Variants in CPT1B observed in about 807,000 individuals in gnomAD.
CPT1B encodes the protein carnitine palmitoyltransferase 1B, also known as carnitine O-palmitoyltransferase 1, muscle isoform.
Under a neutral mutation model 92.7 loss-of-function variants are expected in CPT1B, and 57 were observed. The observed-to-expected ratio is 0.62, with a 90% CI of 0.50 to 0.77. The LOEUF is 0.77. CPT1B is among the 30% of genes least tolerant of loss of function. The pLI, the probability that CPT1B is intolerant of heterozygous loss-of-function variation, is 0.00. For synonymous variants in CPT1B, 398 were observed against 383.5 expected, an observed-to-expected ratio of 1.04 and a Z score of -0.44; for missense variants, 983 against 1,017.4, an observed-to-expected ratio of 0.97 and a Z score of 0.46.
chr22:50,577,785 A>G lies in CPT1B; in HGVS notation c.131T>C (p.Ile44Thr). 6.2e-7 allele frequency: 1 copy of G among 1,613,840 alleles called. No homozygotes were observed. The highest frequency in any genetic ancestry group is 8.5e-7 in the Non-Finnish European group (1 of 1,179,838). The change falls in exon 2 of 20, where the codon ATC becomes ACC. Residue 44 changes from isoleucine to threonine, a missense_variant. Physicochemically the swap from Ile to Thr is moderately conservative, Grantham distance 89. Coordinates refer to ENST00000312108, the MANE Select transcript of CPT1B (RefSeq NM_152246.3). ...SGINSWKKRL[I>T]RIKNGILRGV... ...AGCACCTGTGCGCACCTTGATGCGGATCAGGCGTTTCTTCCAGGAGTTGAT... is the reference window on the plus strand; with the variant it reads ...AGCACCTGTGCGCACCTTGATGCGGGTCAGGCGTTTCTTCCAGGAGTTGAT...
intron 16 of CPT1B, 101 bp downstream of exon 16, chr22:50,570,790 G>C: frequency 6.7e-7 from 1 of 1,496,530 alleles, no homozygotes. Flanking sequence ...AGCTTCAGGG[G>C]AGCAAGCCAG....
chr22:50,576,851 G>A lies in CPT1B; in HGVS notation c.459+6C>T, dbSNP rs1183976853. 1.9e-6 allele frequency: 3 copies of A among 1,613,666 alleles called. No homozygotes were observed. The highest frequency in any genetic ancestry group is 2.5e-6 in the Non-Finnish European group (3 of 1,179,960). ...TGCCTGAACCCCTCCACTGGCTGCT[G>A]CTCACAGCCCAGATCCTGGTCAAGT... is the stretch of plus-strand genomic sequence containing the variant. On this transcript the variant is annotated splice_donor_region_variant and intron_variant, in intron 4 of 19. Coordinates refer to ENST00000312108, the MANE Select transcript of CPT1B (RefSeq NM_152246.3).
rs777493327 is a variant in CPT1B, at chr22:50,577,054, G to A, written c.282-20C>T. The A allele has an allele frequency of 3.9e-5, 63 of 1,611,470 alleles. No homozygotes were observed. The highest frequency in any genetic ancestry group is 4.5e-5 in the Non-Finnish European group (53 of 1,178,420). On this transcript the variant is annotated intron_variant, in intron 3 of 19. Transcript: ENST00000312108. Reference sequence around the variant, plus strand: ...CCACACCTATTGGAGAGGGGCAAGGGCTGCAGGGGGTCCTCTTGAGGCCAG... The same window carrying A: ...CCACACCTATTGGAGAGGGGCAAGGACTGCAGGGGGTCCTCTTGAGGCCAG...
Position 50,569,711 on chromosome 22 carries a change from T to C in CPT1B, c.2143-43A>G, listed in dbSNP as rs1341113112. ...GGTGAAGAAGGCATAAATCAAACCT[T>C]GAAGATCTGAAAGCCAAGCTGATAT... On this transcript the variant is annotated intron_variant, in intron 17 of 19. Coordinates refer to ENST00000312108, the MANE Select transcript of CPT1B (RefSeq NM_152246.3). 5.3e-6 allele frequency: 8 copies of C among 1,504,702 alleles called. No homozygotes were observed. The Admixed American group carries it at 1.0e-4, about 19-fold the overall frequency. The allele number at this position is 1,504,702 out of a possible 1,614,324, so 93.2% of individuals were successfully genotyped here.
intron 5 of CPT1B, 71 bp from the exon 6 acceptor site, chr22:50,576,406 C>A: frequency 6.2e-7 from 1 of 1,608,196 alleles, no homozygotes; most frequent in Non-Finnish European, 8.5e-7. Context: ...CTCTTCCCAC[C>A]TCTCCCTCCT....
chr22:50,570,209 C>G, intron 17 of CPT1B, 84 bp downstream of exon 17: 1 of 990,976 alleles, frequency 1.0e-6, no homozygotes, highest in Non-Finnish European at 1.5e-6. Flanking sequence ...GCTCCTGCCT[C>G]TCGTCTGACC....
Position 50,573,172 on chromosome 22 carries a change from T to TG in CPT1B, c.1167-113dup. ...TGGGGTGCCAGGCTGGACCTGGAGA[T>TG]GGGGGGTACCACGCTGGACCTGGAG... is the stretch of plus-strand genomic sequence containing the variant. On this transcript the variant is annotated intron_variant, in intron 10 of 19. Transcript: ENST00000312108. This position sits in a 1 kb window ranked among gnomAD's most constrained non-coding sequence, Gnocchi z 5.0. 2 of 857,850 alleles carry TG rather than the reference T, an allele frequency of 2.3e-6. No homozygotes were observed. The highest frequency in any genetic ancestry group is 1.7e-5 in the South Asian group (1 of 58,846). 53.1% of individuals were successfully genotyped at this position (857,850 alleles called of 1,614,324 possible).
intron 7 of CPT1B, among the ~76,000 whole-genome samples, chr22:50,575,257 C>T (rs532688664): frequency 1.3e-5 from 2 of 152,346 alleles, no homozygotes; most frequent in African/African-American, 4.8e-5. Flanking sequence ...GATCCACCTG[C>T]CTCGGCCTCC....
intron 5 of CPT1B, 44 bp from the exon 6 acceptor site, chr22:50,576,379 CTG>C: frequency 6.2e-7 from 1 of 1,613,106 alleles, no homozygotes; most frequent in East Asian, 2.2e-5. Context: ...ATGGCAAGGG[CTG>C]CCTCTATCTT....
rs1486978645 is a variant in CPT1B at position 50,573,570 on chromosome 22, G to A, written c.1116C>T (p.Ser372=). Residue 372 remains serine (S), a synonymous_variant, in exon 10 of 20, where the codon TCC becomes TCT. Transcript: ENST00000312108. This position sits in a 1 kb window ranked among gnomAD's most constrained non-coding sequence, Gnocchi z 5.0. ...GCTTCTCCTCCCCAGGCTGAGGTGG[G>A]GAGGGGTCGTCCAGGATCCTCTGGA... ...MQFQRILDDP[S]PPQPGEEKLA... is the part of the protein sequence containing the mutation. The A allele has an allele frequency of 6.2e-7, 1 of 1,613,608 alleles. No homozygotes were observed. Among genetic ancestry groups the A allele is most frequent in the Admixed American group, 1.7e-5 (1 of 60,012 alleles).
chr22:50,577,445 C>G lies in CPT1B; in HGVS notation c.160G>C (p.Val54Leu). The G allele has an allele frequency of 5.0e-6, 8 of 1,613,732 alleles. No homozygotes were observed. Among genetic ancestry groups the G allele is most frequent in the Non-Finnish European group, 6.8e-6 (8 of 1,179,988 alleles). The change falls in exon 3 of 20, where the codon GTG becomes CTG. Residue 54 changes from valine to leucine, a missense_variant. Coordinates refer to ENST00000312108, the MANE Select transcript of CPT1B (RefSeq NM_152246.3). ...CAGCTGGTGGGGCTGCCAGGGTACA[C>G]GCCCCTGAGGATGCCATTCTGTGGG... The part of the protein sequence containing the change: ...IRIKNGILRG[V>L]YPGSPTSWLV...
chr22:50,577,417 AG>A lies in CPT1B; in HGVS notation c.187del (p.Leu63TrpfsTer56). On this transcript the variant is annotated frameshift_variant, in exon 3 of 20. Coordinates refer to ENST00000312108, the MANE Select transcript of CPT1B (RefSeq NM_152246.3). LOFTEE classifies it high-confidence loss of function. Reference sequence around the variant, plus strand: ...ACCCACTGTTGCCATGATGACGACCAGCCAGCTGGTGGGGCTGCCAGGGTAC... The same window carrying A: ...ACCCACTGTTGCCATGATGACGACCACCAGCTGGTGGGGCTGCCAGGGTAC... ...GVYPGSPTSW[L>X]VVIMATVGSS... is the part of the protein sequence containing the mutation. The A allele has an allele frequency of 6.2e-7, 1 of 1,613,906 alleles. No homozygotes were observed. Among genetic ancestry groups the A allele is most frequent in the Non-Finnish European group, 8.5e-7 (1 of 1,179,996 alleles).
intron 16 of CPT1B, 57 bp from the exon 17 acceptor site, chr22:50,570,463 C>T (rs559899409): frequency 1.1e-5 from 15 of 1,379,054 alleles, no homozygotes; most frequent in African/African-American, 1.0e-4. Flanking sequence ...CTGTCCAACA[C>T]GTGGTGTCTG....
At chr22:50,578,139 G>A in intron 1 of CPT1B, 1 of 181,572 alleles carries the variant, frequency 5.5e-6, no homozygotes, top group Non-Finnish European at 1.1e-5. Context: ...GTGGTGCAGG[G>A]GATTTGGGCC....
intron 19 of CPT1B, 63 bp downstream of exon 19, chr22:50,569,273 G>A: frequency 6.5e-7 from 1 of 1,544,610 alleles, no homozygotes; most frequent in South Asian, 1.1e-5. Context: ...TCATGCCTGT[G>A]AGCTGCCACA....
Position 50,573,928 on chromosome 22 carries a change from A to G in CPT1B, c.971-213T>C, listed in dbSNP as rs1245752767. On this transcript the variant is annotated intron_variant, in intron 9 of 19. Transcript: ENST00000312108. This position sits in a 1 kb window ranked among gnomAD's most constrained non-coding sequence, Gnocchi z 5.0. ...TCACGCAACACCAACAATCCTATAA[A>G]GTATTTCACAGAAGAGGAAACGACG... 1 of 711,754 alleles carries G rather than the reference A, an allele frequency of 1.4e-6. No homozygotes were observed. Among genetic ancestry groups the G allele is most frequent in the African/African-American group, 1.7e-5 (1 of 57,190 alleles). The allele number at this position is 711,754 out of a possible 1,614,324, so 44.1% of individuals were successfully genotyped here.
intron 2 of CPT1B, 86 bp downstream of exon 2, chr22:50,577,689 A>C: frequency 6.4e-7 from 1 of 1,557,908 alleles, no homozygotes; most frequent in Non-Finnish European, 8.7e-7. Flanking sequence ...AGTGCCAGCC[A>C]AGGAGGCAGT....
At position 50,576,093 on chromosome 22, in the gene CPT1B, T is replaced by C; in HGVS notation, c.719A>G (p.Glu240Gly). 1 of 1,614,128 alleles carries C rather than the reference T, an allele frequency of 6.2e-7. No individual in the cohort carries two copies. The highest frequency in any genetic ancestry group is 8.5e-7 in the Non-Finnish European group (1 of 1,180,016). Residue 240 changes from glutamate (E) to glycine (G), a missense_variant, in exon 7 of 20, where the codon GAG becomes GGG. By Grantham distance (98) the Glu-to-Gly change is moderately conservative. Transcript: ENST00000312108. ...GCTCCTGCCTCGAAGGTAGATGTAC[T>C]CTTCCCACCAGTCACTCACCTGTGG... is the stretch of plus-strand genomic sequence containing the variant. ...ASNYVSDWWE[E>G]YIYLRGRSPL... is the part of the protein sequence containing the mutation.
intron 16 of CPT1B, among the ~76,000 whole-genome samples, chr22:50,570,671 C>A (rs916860634): frequency 6.6e-6 from 1 of 152,204 alleles, no homozygotes; most frequent in African/African-American, 2.4e-5. Flanking sequence ...TTTGTCTGTT[C>A]CCTGTCACAA....
Sources: allele counts gnomAD v4.1 joint callset (sites outside exome capture counted in the v4.1 genomes callset), GRCh38; gene constraint gnomAD v4.1.1; non-coding constraint Gnocchi (gnomAD v3.1); transcripts MANE v1.5; gene names NCBI Gene and HGNC (gene_info 2026-07-23, HGNC 2026-07-21).